SLC45A4: variants seen among roughly 807,000 people sequenced by gnomAD.
The protein encoded by SLC45A4 is polyamine-transporter SLC45A4.
Under a neutral mutation model 63.7 loss-of-function variants are expected in SLC45A4, and 32 were observed. The observed-to-expected ratio is 0.50, with a 90% CI of 0.38 to 0.67. The LOEUF is 0.67. Ranked by LOEUF, SLC45A4 falls within the 30% of genes least tolerant of loss-of-function variation. The pLI, the probability that SLC45A4 is intolerant of heterozygous loss-of-function variation, is 0.00. For missense variants in SLC45A4, 1,027 were observed against 1,157.7 expected, an observed-to-expected ratio of 0.89 and a Z score of 1.64; for synonymous variants, 535 against 510.0, an observed-to-expected ratio of 1.05 and a Z score of -0.66.
chr8:141,253,776 C>T (rs62522234), intron 2 of SLC45A4, among the ~76,000 whole-genome samples: 1,580 of 152,294 alleles, frequency 0.01, 12 homozygotes, highest in Non-Finnish European at 0.017. Context: ...TGTAATTCAA[C>T]GTCAACATCC....
chr8:141,213,977 C>T lies in SLC45A4; in HGVS notation c.1942-1421G>A, dbSNP rs183487786. On this transcript the variant is annotated intron_variant, in intron 7 of 8. Coordinates refer to ENST00000517878, the MANE Select transcript of SLC45A4 (RefSeq NM_001286646.2). ...ATCCCAGCACCTTGGGAGGCCGAGA[C>T]GGGTGGATCACCTGAGGTCAGGAGT... Among the ~76,000 whole-genome samples, 334 of 152,240 alleles carry T rather than the reference C, an allele frequency of 2.2e-3. 1 individual carries two copies. The highest frequency in any genetic ancestry group is 7.7e-3 in the African/African-American group (319 of 41,516).
At chr8:141,233,058 G>A (rs1339052111) in intron 2 of SLC45A4, among the ~76,000 whole-genome samples, 1 of 152,238 alleles carries the variant, frequency 6.6e-6, no homozygotes, top group Non-Finnish European at 1.5e-5. Context: ...AGGGAGTCGG[G>A]CATTAGGAAG....
At chr8:141,286,735 C>T (rs1234590619) in intron 1 of SLC45A4, among the ~76,000 whole-genome samples, 2 of 136,212 alleles carry the variant, frequency 1.5e-5, no homozygotes, top group Non-Finnish European at 3.2e-5. Context: ...CAGCAGCCCC[C>T]CCGCCCCCCC....
At chr8:141,221,088 C>T (rs1159801887) in intron 3 of SLC45A4, among the ~76,000 whole-genome samples, 2 of 152,254 alleles carry the variant, frequency 1.3e-5, no homozygotes, top group African/African-American at 4.8e-5. Context: ...AGATTAAGCT[C>T]CTCTGTCTCA....
chr8:141,263,261 G>C (rs1829112353), intron 1 of SLC45A4, among the ~76,000 whole-genome samples: 1 of 151,530 alleles, frequency 6.6e-6, no homozygotes, highest in Non-Finnish European at 1.5e-5. Flanking sequence ...TATACCTAAT[G>C]TTAAATGACG....
rs1285784341 is a variant in SLC45A4, at chr8:141,308,089, C to T, written c.-401+7G>A. 6.7e-6 allele frequency: 1 copy of T among 149,208 alleles called. No homozygotes were observed. The highest frequency in any genetic ancestry group is 1.5e-5 in the Non-Finnish European group (1 of 66,820). 9.2% of individuals were successfully genotyped at this position (149,208 alleles called of 1,614,324 possible). A position where few individuals can be genotyped will look rare whatever the true frequency, so the allele number is the denominator to read the frequency against. ...GGGCAGGCGGCTGCGGGCGGCAGGCCACTCACCTGTCTCCTCCGGCCGGGG... is the reference window on the plus strand; with the variant it reads ...GGGCAGGCGGCTGCGGGCGGCAGGCTACTCACCTGTCTCCTCCGGCCGGGG... On this transcript the variant is annotated splice_region_variant and intron_variant, in intron 1 of 8. Transcript: ENST00000517878.
At chr8:141,225,822 G>C (rs898035348) in intron 2 of SLC45A4, 1 of 152,596 alleles carries the variant, frequency 6.6e-6, no homozygotes, top group Non-Finnish European at 1.5e-5. Context: ...AGCCTGGTGG[G>C]ACCCGGCCCC....
In SLC45A4 at chr8:141,293,703, C is replaced by T. The variant is rs549051663; in HGVS notation, c.-401+14393G>A. Reference sequence around the variant, plus strand: ...ATCCTAACACTTTGGGAGGCCGAGGCGGGCAGATTGCCTGAGGTTGGGAGT... The same window carrying T: ...ATCCTAACACTTTGGGAGGCCGAGGTGGGCAGATTGCCTGAGGTTGGGAGT... On this transcript the variant is annotated intron_variant, in intron 1 of 8. Transcript: ENST00000517878. Among the ~76,000 whole-genome samples, 20 of 152,172 alleles carry T rather than the reference C, an allele frequency of 1.3e-4. 2 individuals carry two copies. In the South Asian group the frequency reaches 3.9e-3, roughly 30 times the overall value.
rs771099122 is a variant in SLC45A4, at chr8:141,212,319, G to A, written c.2179C>T (p.Gln727Ter). 1 of 1,611,208 alleles carries A rather than the reference G, an allele frequency of 6.2e-7. No individual in the cohort carries two copies. Among genetic ancestry groups the A allele is most frequent in the Non-Finnish European group, 8.5e-7 (1 of 1,178,184 alleles). Residue 727 changes from glutamine to a stop codon, truncating the protein, a stop_gained, in exon 8 of 9, where the codon CAG becomes TAG. Coordinates refer to ENST00000517878, the MANE Select transcript of SLC45A4 (RefSeq NM_001286646.2). LOFTEE classifies it high-confidence loss of function. ...GCCAACGGGGAAGACAGGCCTTTCT[G>A]CTCCTCCTTGGCCTCCTCTGACACG... ...PNVSEEAKEEQKGLSSPLAGE... is the reference protein window; with the variant it reads ...PNVSEEAKEE
chr8:141,268,823 G>A (rs1829391209), intron 1 of SLC45A4, among the ~76,000 whole-genome samples: 2 of 152,124 alleles, frequency 1.3e-5, no homozygotes, highest in Non-Finnish European at 1.5e-5. Context: ...TCCTATCGTG[G>A]AGGCGCCCAT....
At chr8:141,259,313 C>A (rs890328741) in intron 1 of SLC45A4, among the ~76,000 whole-genome samples, 3 of 152,238 alleles carry the variant, frequency 2.0e-5, no homozygotes, top group African/African-American at 7.2e-5. Context: ...CTGACCCAGC[C>A]CGCCAGTGAT....
At chr8:141,221,816 CCA>C (rs746874373) in intron 2 of SLC45A4, 51 bp from the exon 3 acceptor site, 52 of 1,582,912 alleles carry the variant, frequency 3.3e-5, no homozygotes, top group African/African-American at 5.4e-5. Context: ...CCGGGCTCTG[CCA>C]CAGTTTTCCT....
chr8:141,263,727 G>A (rs1418500942), intron 1 of SLC45A4, among the ~76,000 whole-genome samples: 3 of 143,712 alleles, frequency 2.1e-5, no homozygotes, highest in Admixed American at 7.2e-5. Flanking sequence ...CCGAAACTGC[G>A]CCACTGTACT....
chr8:141,216,999 C>T (rs781258343), intron 6 of SLC45A4, 91 bp downstream of exon 6: 32 of 1,325,768 alleles, frequency 2.4e-5, no homozygotes, highest in Non-Finnish European at 3.4e-5. Context: ...CTGATGGCCC[C>T]AGCTTCTAAG....
At chr8:141,286,198 C>T (rs1182938022) in intron 1 of SLC45A4, among the ~76,000 whole-genome samples, 2 of 152,196 alleles carry the variant, frequency 1.3e-5, no homozygotes, top group African/African-American at 4.8e-5. Flanking sequence ...GCACTGGGTG[C>T]CCACAGCCCC....
chr8:141,218,779 T>C lies in SLC45A4; in HGVS notation c.861A>G (p.Val287=). 6.2e-7 allele frequency: 1 copy of C among 1,613,252 alleles called. No homozygotes were observed. The change falls in exon 5 of 9, where the codon GTA becomes GTG. Residue 287 remains valine (V), a synonymous_variant. Transcript: ENST00000517878. ...PHGVPAFPDE[V]QSEHELALDY... is the part of the protein sequence containing the mutation. ...CCAGGGCCAGCTCGTGCTCCGACTG[T>C]ACCTCGTCTGGGAAGGCAGGGACGC...
chr8:141,241,685 C>G (rs1184613729), intron 2 of SLC45A4, among the ~76,000 whole-genome samples: 2 of 152,098 alleles, frequency 1.3e-5, no homozygotes, highest in Admixed American at 1.3e-4. Context: ...CCTCTGGGGA[C>G]AGGTGGGCTG....
In SLC45A4 at chr8:141,229,177, G is replaced by T. The variant is rs1329160008; in HGVS notation, c.242-7412C>A. Among the ~76,000 whole-genome samples the T allele has an allele frequency of 6.6e-6, 1 of 152,078 alleles. No homozygotes were observed. Among genetic ancestry groups the T allele is most frequent in the Non-Finnish European group, 1.5e-5 (1 of 68,020 alleles). ...GGAGCAGAGTTTTGTGAGCATAGCA[G>T]GCTTCCAACTGACCCCTGGTTCCTC... is the stretch of plus-strand genomic sequence containing the variant. On this transcript the variant is annotated intron_variant, in intron 2 of 8. Transcript: ENST00000517878. This position sits in a 1 kb window ranked among gnomAD's most constrained non-coding sequence, Gnocchi z 5.0.
intron 2 of SLC45A4, 35 bp from the exon 3 acceptor site, chr8:141,221,800 C>T (rs772433748): frequency 1.3e-6 from 2 of 1,598,186 alleles, no homozygotes; most frequent in Non-Finnish European, 1.7e-6. Flanking sequence ...CACACGCAGG[C>T]ACTGGCCGGG....
Sources: allele counts gnomAD v4.1 joint callset (sites outside exome capture counted in the v4.1 genomes callset), GRCh38; gene constraint gnomAD v4.1.1; non-coding constraint Gnocchi (gnomAD v3.1); transcripts MANE v1.5; gene names NCBI Gene and HGNC (gene_info 2026-07-23, HGNC 2026-07-21).